ABHD5: variants seen among roughly 807,000 people sequenced by gnomAD.
ABHD5 encodes 1-acylglycerol-3-phosphate O-acyltransferase ABHD5.
A neutral mutation model predicts 44.9 loss-of-function variants in ABHD5; 30 were observed. The observed-to-expected ratio is 0.67, with a 90% confidence interval of 0.50 to 0.91. The LOEUF is 0.91. ABHD5 is among the 40% of genes least tolerant of loss of function. ABHD5 has a pLI of 0.00. For missense variants in ABHD5, 399 were observed against 423.4 expected, an observed-to-expected ratio of 0.94 and a Z score of 0.50; for synonymous variants, 167 against 147.0, an observed-to-expected ratio of 1.14 and a Z score of -0.99.
intron 4 of ABHD5, among the ~76,000 whole-genome samples, chr3:43,712,182 A>T (rs1157766658): frequency 6.6e-6 from 1 of 152,024 alleles, no homozygotes; most frequent in Non-Finnish European, 1.5e-5. Flanking sequence ...GTATATAAGG[A>T]CCTCTGCTAG....
At chr3:43,707,541 T>G (rs1204768411) in intron 3 of ABHD5, 1 of 152,214 alleles carries the variant, frequency 6.6e-6, no homozygotes, top group Non-Finnish European at 1.5e-5. Flanking sequence ...ATTTTGCAAA[T>G]GCCTCCTTTG....
rs201472207 is a variant in ABHD5 at position 43,711,699 on chromosome 3, C to T, written c.507-10C>T. On this transcript the variant is annotated splice_polypyrimidine_tract_variant and intron_variant, in intron 3 of 6. Coordinates refer to ENST00000644371, the MANE Select transcript of ABHD5 (RefSeq NM_016006.6). ...CCAAATGAACTTAAATATATTCTTT[C>T]CCCCAACAGGGTTAATCATCTCATT... 12 of 1,613,940 alleles carry T rather than the reference C, an allele frequency of 7.4e-6. No homozygotes were observed. The highest frequency in any genetic ancestry group is 1.0e-5 in the Non-Finnish European group (12 of 1,179,882).
intron 3 of ABHD5, among the ~76,000 whole-genome samples, chr3:43,704,998 A>T (rs1049888498): frequency 6.6e-6 from 1 of 152,230 alleles, no homozygotes; most frequent in Non-Finnish European, 1.5e-5. Context: ...AAATTATTAA[A>T]TACAGGTTAA....
downstream of ABHD5, among the ~76,000 whole-genome samples, chr3:43,724,847 G>A (rs2084867698): frequency 6.6e-6 from 1 of 152,168 alleles, no homozygotes; most frequent in African/African-American, 2.4e-5. Context: ...ACATGGGTTT[G>A]TCAACAGTGG....
chr3:43,730,149 G>A (rs963632504), intron 7 of ABHD5, among the ~76,000 whole-genome samples: 1 of 152,188 alleles, frequency 6.6e-6, no homozygotes, highest in African/African-American at 2.4e-5. Context: ...AGTGGGAAAG[G>A]TACACTTATT....
intron 5 of ABHD5, among the ~76,000 whole-genome samples, chr3:43,716,377 T>G (rs999025638): frequency 6.6e-6 from 1 of 152,152 alleles, no homozygotes; most frequent in Non-Finnish European, 1.5e-5. Flanking sequence ...GAGCACACTT[T>G]AAGACAGAGA....
At chr3:43,731,560 G>A (rs971498295) in intron 7 of ABHD5, among the ~76,000 whole-genome samples, 15 of 152,182 alleles carry the variant, frequency 9.9e-5, no homozygotes, top group East Asian at 3.9e-4. Flanking sequence ...GGCCGGGTGC[G>A]GTGGCTCACA....
rs556346785 is a variant in ABHD5, at chr3:43,720,838, C to T, written c.*2306C>T. 1 of 151,778 alleles carries T rather than the reference C, an allele frequency of 6.6e-6. No individual in the cohort carries two copies. Among genetic ancestry groups the T allele is most frequent in the African/African-American group, 2.4e-5 (1 of 41,376 alleles). 9.4% of individuals were successfully genotyped at this position (151,778 alleles called of 1,614,324 possible). On this transcript the variant is annotated 3_prime_UTR_variant, in exon 7 of 7. Coordinates refer to ENST00000644371, the MANE Select transcript of ABHD5 (RefSeq NM_016006.6). ...AGGCTACTCTGGGTGTTGTGGCCGC[C>T]ATACATGGCTTTACCTGGGTCCATG...
intron 1 of ABHD5, chr3:43,694,858 G>C (rs1253109677): frequency 1.3e-5 from 2 of 152,102 alleles, no homozygotes; most frequent in African/African-American, 4.8e-5. Flanking sequence ...CACTTAAATT[G>C]TAGCTGTATG....
chr3:43,721,415 A>G lies in ABHD5; in HGVS notation c.*2883A>G, dbSNP rs2084834436. ...TCCTAGGACTGAAAATTCAGAAGCA[A>G]TAAAAAGAGAAGTCTATAGAAGAAT... On this transcript the variant is annotated 3_prime_UTR_variant, in exon 7 of 7. Transcript: ENST00000644371. 2 of 152,110 alleles carry G rather than the reference A, an allele frequency of 1.3e-5. No individual in the cohort carries two copies. Among genetic ancestry groups the G allele is most frequent in the Non-Finnish European group, 2.9e-5 (2 of 68,026 alleles). The allele number at this position is 152,110 out of a possible 1,614,324, so 9.4% of individuals were successfully genotyped here.
intron 1 of ABHD5, among the ~76,000 whole-genome samples, chr3:43,692,659 T>C (rs1427885350): frequency 6.6e-6 from 1 of 152,218 alleles, no homozygotes; most frequent in Non-Finnish European, 1.5e-5. Context: ...GTTGCCCCTG[T>C]GTGCTGGGTA....
At chr3:43,732,962 G>T (rs1697262046) in intron 7 of ABHD5, among the ~76,000 whole-genome samples, 1 of 152,178 alleles carries the variant, frequency 6.6e-6, no homozygotes, top group South Asian at 2.1e-4. Context: ...TCTGCTGAAG[G>T]CCACCTTCAG....
rs924404567 is a variant in ABHD5 at position 43,711,730 on chromosome 3, G to T, written c.528G>T (p.Val176=). Residue 176 remains valine, a synonymous_variant, in exon 4 of 7, where the codon GTG becomes GTT. Transcript: ENST00000644371. ...ACAGGGTTAATCATCTCATTTTAGT[G>T]GAGCCTTGGGGTTTCCCTGAACGAC... is the stretch of plus-strand genomic sequence containing the variant. ...YPSRVNHLIL[V]EPWGFPERPD... 1 of 1,614,012 alleles carries T rather than the reference G, an allele frequency of 6.2e-7. No individual in the cohort carries two copies. The highest frequency in any genetic ancestry group is 1.3e-5 in the African/African-American group (1 of 74,912).
chr3:43,695,813 A>C (rs1485733144), intron 1 of ABHD5, among the ~76,000 whole-genome samples: 1 of 152,218 alleles, frequency 6.6e-6, no homozygotes, highest in Non-Finnish European at 1.5e-5. Flanking sequence ...GGATACTTAA[A>C]GTCAGATTCT....
chr3:43,691,083 C>G, intron 1 of ABHD5, 44 bp downstream of exon 1: 4 of 1,506,200 alleles, frequency 2.7e-6, no homozygotes, highest in Non-Finnish European at 3.6e-6. Flanking sequence ...CCGGCGCGCA[C>G]CCTCCGCGCG....
At chr3:43,699,526 G>T in intron 2 of ABHD5, 165 bp downstream of exon 2, 1 of 721,284 alleles carries the variant, frequency 1.4e-6, no homozygotes, top group South Asian at 1.7e-5. Context: ...AATGTCGGGG[G>T]CTGGCAGGTA....
intron 1 of ABHD5, among the ~76,000 whole-genome samples, chr3:43,695,922 A>G (rs2084468885): frequency 6.6e-6 from 1 of 152,224 alleles, no homozygotes; most frequent in Admixed American, 6.5e-5. Context: ...TTCTTACTCA[A>G]AAGTCTGCTC....
chr3:43,711,802 C>T lies in ABHD5; in HGVS notation c.600C>T (p.Ala200=). ...QDRPIPVWIR[A]LGAALTPFNP... ...GACCAATTCCAGTTTGGATCAGAGC[C>T]TTGGGAGCAGCATTGACTCCCTTTA... Residue 200 remains alanine, a synonymous_variant, in exon 4 of 7, where the codon GCC becomes GCT. Transcript: ENST00000644371. The T allele has an allele frequency of 2.5e-6, 4 of 1,614,188 alleles. No homozygotes were observed. The South Asian group carries it at 4.4e-5, about 18-fold the overall frequency.
chr3:43,716,620 C>G (rs1242241859), intron 5 of ABHD5, among the ~76,000 whole-genome samples: 4 of 151,988 alleles, frequency 2.6e-5, no homozygotes, highest in Admixed American at 1.3e-4. Flanking sequence ...GCTAGAGGTT[C>G]AAGGTCTTCA....
Sources: gnomAD v4.1 joint callset for allele counts (sites outside exome capture counted in the v4.1 genomes callset) on GRCh38, gnomAD v4.1.1 for gene constraint, MANE v1.5 for transcripts, NCBI Gene and HGNC (gene_info 2026-07-23, HGNC 2026-07-21) for gene names.